The following RAD50 variants were observed in gnomAD, a reference collection of about 807,000 sequenced individuals.
The protein encoded by RAD50 is DNA repair protein RAD50.
A neutral mutation model predicts 168.8 loss-of-function variants in RAD50; 132 were observed. That is an observed-to-expected ratio of 0.78 (90% CI 0.68 to 0.90). The LOEUF (loss-of-function observed/expected upper bound fraction) is 0.90. Ranked by LOEUF, RAD50 falls within the 40% of genes least tolerant of loss-of-function variation. RAD50 has a pLI of 0.00. For missense variants in RAD50, 1,347 were observed against 1,534.4 expected (o/e 0.88, Z 2.04); for synonymous variants, 525 against 497.4 (o/e 1.06, Z -0.74).
intron 14 of RAD50, 135 bp from the exon 15 acceptor site, chr5:132,603,785 A>G: frequency 1.1e-6 from 1 of 909,900 alleles, no homozygotes. Flanking sequence ...ATCCTATTAA[A>G]CTTTGCTAAA....
chr5:132,603,638 CT>C lies in RAD50; in HGVS notation c.2397+150del, dbSNP rs1157603624. 26 of 964,158 alleles carry C rather than the reference CT, an allele frequency of 2.7e-5. No homozygotes were observed. The East Asian group carries it at 6.5e-4, about 24-fold the overall frequency. The allele number at this position is 964,158 out of a possible 1,614,324, so 59.7% of individuals were successfully genotyped here. On this transcript the variant is annotated intron_variant, in intron 14 of 24. Transcript: ENST00000378823. ...AATTTCAGATACCCTCAGGGAGAAA[CT>C]GCTTAGTTTACATCCCTGGGTTTAA...
chr5:132,640,047 G>A (rs1487846546), intron 23 of RAD50, among the ~76,000 whole-genome samples: 1 of 152,086 alleles, frequency 6.6e-6, no homozygotes, highest in Non-Finnish European at 1.5e-5. Flanking sequence ...GTGGGTCTGA[G>A]GGTTTTAGTA....
Position 132,574,271 on chromosome 5 carries a change from T to C in RAD50, c.214-1506T>C, listed in dbSNP as rs140683131. Among the ~76,000 whole-genome samples, 19 of 152,338 alleles carry C rather than the reference T, an allele frequency of 1.2e-4. 1 individual carries two copies. In the East Asian group the frequency reaches 3.1e-3, roughly 25 times the overall value. On this transcript the variant is annotated intron_variant, in intron 2 of 24. Transcript: ENST00000378823. Reference sequence around the variant, plus strand: ...TCTAGGCAGAGGTTCCCAAACCTCATTTCTTGACTTCTGTGCACCTGCAGG... The same window carrying C: ...TCTAGGCAGAGGTTCCCAAACCTCACTTCTTGACTTCTGTGCACCTGCAGG...
intron 23 of RAD50, 139 bp downstream of exon 23, chr5:132,638,362 C>T (rs1751639355): frequency 1.0e-6 from 1 of 1,003,972 alleles, no homozygotes. Flanking sequence ...GAATCAGGCT[C>T]AGCTACTATT....
chr5:132,600,534 A>G (rs1467765530), intron 13 of RAD50, among the ~76,000 whole-genome samples: 1 of 152,210 alleles, frequency 6.6e-6, no homozygotes, highest in Non-Finnish European at 1.5e-5. Context: ...TTAAAGCCTC[A>G]AATTCGCCAG....
In RAD50 at chr5:132,642,384, G is replaced by T. The variant is rs752068325; in HGVS notation, c.*20G>T. ...CATTAAAAATATCCAAGATTTAAAT[G>T]CCATAGAAATGTAGGTCCTCAGAAA... On this transcript the variant is annotated 3_prime_UTR_variant, in exon 25 of 25. Transcript: ENST00000378823. 1 of 1,603,254 alleles carries T rather than the reference G, an allele frequency of 6.2e-7. No homozygotes were observed. The highest frequency in any genetic ancestry group is 1.3e-5 in the African/African-American group (1 of 74,748).
chr5:132,604,618 G>A (rs577742255), intron 15 of RAD50, among the ~76,000 whole-genome samples, 188 bp from the exon 16 acceptor site: 1 of 152,250 alleles, frequency 6.6e-6, no homozygotes, highest in East Asian at 1.9e-4. Flanking sequence ...TTCCCTGTGA[G>A]TGGCCAGCAG....
intron 5 of RAD50, among the ~76,000 whole-genome samples, chr5:132,581,268 TAA>T (rs59854163): frequency 6.9e-6 from 1 of 144,726 alleles, no homozygotes; most frequent in African/African-American, 2.5e-5. Context: ...CCCGGCTAAA[TAA>T]AAAAAAAAAA....
At chr5:132,588,560 T>C in intron 7 of RAD50, 127 bp from the exon 8 acceptor site, 1 of 917,602 alleles carries the variant, frequency 1.1e-6, no homozygotes, top group Non-Finnish European at 1.6e-6. Context: ...AATGTTATCA[T>C]TGGGAGAAAC....
Position 132,591,316 on chromosome 5 carries a change from C to T in RAD50, c.1545C>T (p.Asp515=), listed in dbSNP as rs876659699. ...ISLQNEKADL[D]RTLRKLDQEM... Reference sequence around the variant, plus strand: ...TCCAAAATGAAAAAGCAGACTTAGACAGGACCCTGCGTAAACTTGACCAGG... The same window carrying T: ...TCCAAAATGAAAAAGCAGACTTAGATAGGACCCTGCGTAAACTTGACCAGG... Residue 515 remains aspartate, a synonymous_variant, in exon 10 of 25, where the codon GAC becomes GAT. Coordinates refer to ENST00000378823, the MANE Select transcript of RAD50 (RefSeq NM_005732.4). 1.2e-6 allele frequency: 2 copies of T among 1,613,452 alleles called. No homozygotes were observed. The highest frequency in any genetic ancestry group is 1.7e-6 in the Non-Finnish European group (2 of 1,179,426).
chr5:132,560,710 C>T (rs1054174772), intron 2 of RAD50, among the ~76,000 whole-genome samples: 3 of 152,196 alleles, frequency 2.0e-5, no homozygotes, highest in Non-Finnish European at 4.4e-5. Flanking sequence ...CTTATCCACC[C>T]AAGGATTTTG....
intron 2 of RAD50, among the ~76,000 whole-genome samples, chr5:132,573,939 C>T (rs552919999): frequency 1.8e-4 from 28 of 152,350 alleles, no homozygotes; most frequent in African/African-American, 6.5e-4. Flanking sequence ...GGCAGCTCCA[C>T]TTCTGGCTTT....
chr5:132,591,761 T>G, intron 10 of RAD50, 116 bp from the exon 11 acceptor site: 1 of 777,538 alleles, frequency 1.3e-6, no homozygotes, highest in East Asian at 2.9e-5. Context: ...ATATTTTATT[T>G]TCATATTTTT....
intron 2 of RAD50, among the ~76,000 whole-genome samples, chr5:132,564,026 C>T (rs941188402): frequency 2.0e-5 from 3 of 152,134 alleles, no homozygotes; most frequent in Admixed American, 6.5e-5. Context: ...CCTGCAGAAC[C>T]GTGAGCCAAT....
At chr5:132,584,073 G>T (rs1419657710) in intron 5 of RAD50, among the ~76,000 whole-genome samples, 1 of 152,002 alleles carries the variant, frequency 6.6e-6, no homozygotes, top group East Asian at 1.9e-4. Flanking sequence ...CATCCATTCT[G>T]TGGCTGATGG....
intron 2 of RAD50, among the ~76,000 whole-genome samples, chr5:132,565,786 C>T (rs531227513): frequency 1.3e-5 from 2 of 152,316 alleles, no homozygotes; most frequent in Admixed American, 1.3e-4. Flanking sequence ...CACACTATTC[C>T]CTGGCGTGGA....
In RAD50 at chr5:132,568,562, T is replaced by G. The variant is rs112900775; in HGVS notation, c.214-7215T>G. Reference sequence around the variant, plus strand: ...ACATTACATTCAAATTGTTCAAAACTAAATATAAAATCTTAAAAACAGGTG... The same window carrying G: ...ACATTACATTCAAATTGTTCAAAACGAAATATAAAATCTTAAAAACAGGTG... On this transcript the variant is annotated intron_variant, in intron 2 of 24. Coordinates refer to ENST00000378823, the MANE Select transcript of RAD50 (RefSeq NM_005732.4). Among the ~76,000 whole-genome samples the G allele has an allele frequency of 2.1e-3, 325 of 152,242 alleles. 3 individuals carry two copies. The highest frequency in any genetic ancestry group is 6.9e-3 in the African/African-American group (287 of 41,532).
In RAD50 at chr5:132,601,444, G is replaced by A. The variant is rs191034661; in HGVS notation, c.2208-1856G>A. On this transcript the variant is annotated intron_variant, in intron 13 of 24. Coordinates refer to ENST00000378823, the MANE Select transcript of RAD50 (RefSeq NM_005732.4). ...TATACCTACAGTTCTTCACAGAGAT[G>A]TCCCCAGTTTAATAAATGCTTGGCC... is the stretch of plus-strand genomic sequence containing the variant. 2.0e-5 allele frequency among the ~76,000 whole-genome samples: 3 copies of A among 152,282 alleles called. No homozygotes were observed. In the East Asian group the frequency reaches 5.8e-4, roughly 29 times the overall value.
intron 2 of RAD50, among the ~76,000 whole-genome samples, chr5:132,561,898 G>A (rs1420120693): frequency 6.6e-6 from 1 of 151,570 alleles, no homozygotes; most frequent in East Asian, 1.9e-4. Context: ...ATCGGCCACT[G>A]TGTTCCTGTT....
Sources: allele counts gnomAD v4.1 joint callset (sites outside exome capture counted in the v4.1 genomes callset), GRCh38; gene constraint gnomAD v4.1.1; transcripts MANE v1.5; gene names NCBI Gene and HGNC (gene_info 2026-07-23, HGNC 2026-07-21).